The following XNDC1N variants were observed in gnomAD, a reference collection of about 807,000 sequenced individuals.
XNDC1N encodes the protein protein XNDC1N.
At chr11:71,927,643 A>T in the XNDC1N span, 1 of 152,232 alleles carries the variant, frequency 6.6e-6, no homozygotes, top group Non-Finnish European at 1.5e-5. Context: ...TCTAATTCAT[A>T]ATAGTTGCTT....
the XNDC1N span, among the ~76,000 whole-genome samples, chr11:71,924,527 T>C: frequency 2.0e-5 from 3 of 151,666 alleles, no homozygotes; most frequent in African/African-American, 7.3e-5. Context: ...AAATACAAAA[T>C]ATAAGCCTGG....
At chr11:71,879,499 C>A in the XNDC1N span, among the ~76,000 whole-genome samples, 5 of 152,308 alleles carry the variant, frequency 3.3e-5, no homozygotes, top group East Asian at 7.7e-4. Flanking sequence ...TAATACTTCA[C>A]AATTCAAGAT....
chr11:71,912,268 T>C, the XNDC1N span, among the ~76,000 whole-genome samples: 21 of 151,534 alleles, frequency 1.4e-4, no homozygotes, highest in Non-Finnish European at 2.7e-4. Flanking sequence ...TGCCAAAGTG[T>C]GGAGGTAAAA....
At chr11:71,886,136 G>C in the XNDC1N span, among the ~76,000 whole-genome samples, 556 of 152,142 alleles carry the variant, frequency 3.7e-3, 4 homozygotes, top group African/African-American at 0.013. Context: ...GTGGTGGAGA[G>C]GCGTGTTTTT....
the XNDC1N span, chr11:71,916,934 C>T: frequency 4.0e-4 from 63 of 159,060 alleles, 1 homozygote; most frequent in East Asian, 1.5e-3. Context: ...ACAACTATAA[C>T]CACTATGTAG....
the XNDC1N span, chr11:71,916,119 G>A: frequency 5.0e-4 from 352 of 702,854 alleles, 2 homozygotes; most frequent in Non-Finnish European, 7.3e-5. Context: ...CCACCACAGA[G>A]TCATCTAAGG....
At chr11:71,877,649 T>A in the XNDC1N span, among the ~76,000 whole-genome samples, 10 of 152,240 alleles carry the variant, frequency 6.6e-5, no homozygotes, top group East Asian at 1.5e-3. Flanking sequence ...AAATAAAAAA[T>A]AAATAAATAA....
the XNDC1N span, among the ~76,000 whole-genome samples, chr11:71,882,501 G>A: frequency 6.6e-6 from 1 of 152,182 alleles, no homozygotes; most frequent in Non-Finnish European, 1.5e-5. Context: ...AAAGTGCCAG[G>A]ATTAAAGGTG....
the XNDC1N span, among the ~76,000 whole-genome samples, chr11:71,886,081 C>T: frequency 2.0e-5 from 3 of 152,084 alleles, no homozygotes; most frequent in Non-Finnish European, 2.9e-5. Context: ...GACACAAATG[C>T]CCCTGAGAGA....
the XNDC1N span, among the ~76,000 whole-genome samples, chr11:71,886,088 G>C: frequency 6.6e-6 from 1 of 151,966 alleles, no homozygotes; most frequent in Non-Finnish European, 1.5e-5. Context: ...ATGCCCCTGA[G>C]AGAGCAGCCG....
chr11:71,911,180 C>T, the XNDC1N span, among the ~76,000 whole-genome samples: 1 of 152,240 alleles, frequency 6.6e-6, no homozygotes, highest in Non-Finnish European at 1.5e-5. Flanking sequence ...AAAACCTGAA[C>T]ATAAAGGCCT....
At chr11:71,909,498 G>C in the XNDC1N span, among the ~76,000 whole-genome samples, 3 of 152,208 alleles carry the variant, frequency 2.0e-5, no homozygotes, top group African/African-American at 7.2e-5. Context: ...TGGACAAGGA[G>C]GAAGGGGCCC....
At chr11:71,928,285 G>T in the XNDC1N span, 1 of 592,480 alleles carries the variant, frequency 1.7e-6, no homozygotes, top group Non-Finnish European at 3.0e-6. Flanking sequence ...GGAACAGGCT[G>T]CTCAGTTCAT....
the XNDC1N span, chr11:71,927,524 GA>G: frequency 3.4e-3 from 462 of 137,834 alleles, 3 homozygotes; most frequent in Middle Eastern, 0.011. Flanking sequence ...CCGTTTCAAA[GA>G]AAAAAAAAAA....
the XNDC1N span, among the ~76,000 whole-genome samples, chr11:71,901,792 T>A: frequency 6.6e-6 from 1 of 152,028 alleles, no homozygotes; most frequent in South Asian, 2.1e-4. Context: ...TGATTTCCAG[T>A]TGATCCGATG....
the XNDC1N span, chr11:71,917,674 A>G: frequency 1.1e-5 from 8 of 703,230 alleles, no homozygotes; most frequent in African/African-American, 7.0e-5. Context: ...TGAATCAGTT[A>G]GAGACATTAG....
At chr11:71,884,456 C>T in the XNDC1N span, 3 of 1,608,368 alleles carry the variant, frequency 1.9e-6, no homozygotes, top group Non-Finnish European at 2.5e-6. Context: ...ATTATCATTG[C>T]AGACTGAAGT....
the XNDC1N span, among the ~76,000 whole-genome samples, chr11:71,908,866 T>C: frequency 6.6e-6 from 1 of 152,130 alleles, no homozygotes; most frequent in Non-Finnish European, 1.5e-5. Context: ...AGGGCCCAGT[T>C]GCCAGGAACC....
the XNDC1N span, among the ~76,000 whole-genome samples, chr11:71,882,527 A>C: frequency 6.6e-6 from 1 of 152,236 alleles, no homozygotes; most frequent in Non-Finnish European, 1.5e-5. Flanking sequence ...CACCATGCCC[A>C]GCCTACCCTC....
Sources: gnomAD v4.1 joint callset for allele counts (sites outside exome capture counted in the v4.1 genomes callset) on GRCh38, gnomAD v4.1.1 for gene constraint, MANE v1.5 for transcripts, NCBI Gene and HGNC (gene_info 2026-07-23, HGNC 2026-07-21) for gene names.